The following GLE1 variants were observed in gnomAD, a reference collection of about 807,000 sequenced individuals.
GLE1 encodes mRNA export factor GLE1.
A neutral mutation model predicts 97.3 loss-of-function variants in GLE1; 78 were observed. The ratio of observed to expected loss-of-function variants is 0.80; its 90% CI spans 0.67 to 0.97. GLE1 has a LOEUF of 0.97. GLE1 is among the 50% of genes least tolerant of loss of function. The pLI is 0.00. For synonymous variants in GLE1, 302 were observed against 313.4 expected, an observed-to-expected ratio of 0.96 and a Z score of 0.39; for missense variants, 753 against 857.5, an observed-to-expected ratio of 0.88 and a Z score of 1.52.
intron 6 of GLE1, 90 bp from the exon 7 acceptor site, chr9:128,525,102 C>G: frequency 1.1e-6 from 1 of 922,500 alleles, no homozygotes; most frequent in Non-Finnish European, 1.8e-6. Flanking sequence ...ATTGGTGCAA[C>G]AATTCCAATT....
At chr9:128,513,457 G>C (rs1165065329) in intron 2 of GLE1, among the ~76,000 whole-genome samples, 1 of 152,064 alleles carries the variant, frequency 6.6e-6, no homozygotes, top group Non-Finnish European at 1.5e-5. Flanking sequence ...AAAGCTGGGT[G>C]TGGAATCCCA....
intron 2 of GLE1, among the ~76,000 whole-genome samples, chr9:128,514,080 G>C (rs995850798): frequency 2.6e-5 from 4 of 151,552 alleles, no homozygotes; most frequent in East Asian, 1.9e-4. Flanking sequence ...GCTCATGCCT[G>C]TAATTGTAGC....
chr9:128,520,199 G>C (rs982809188), intron 3 of GLE1, among the ~76,000 whole-genome samples: 1 of 151,836 alleles, frequency 6.6e-6, no homozygotes, highest in Non-Finnish European at 1.5e-5. Flanking sequence ...GCAGTGAGCC[G>C]AGATGGTGCC....
At chr9:128,507,486 A>G (rs974728214) in intron 1 of GLE1, among the ~76,000 whole-genome samples, 1 of 150,014 alleles carries the variant, frequency 6.7e-6, no homozygotes, top group Non-Finnish European at 1.5e-5. Context: ...TGAGAGGCTG[A>G]GGTGGGAGTA....
At chr9:128,514,338 CAA>C (rs1174493216) in intron 2 of GLE1, among the ~76,000 whole-genome samples, 42 of 91,504 alleles carry the variant, frequency 4.6e-4, no homozygotes, top group East Asian at 8.9e-4. Context: ...GATCTTGTTT[CAA>C]AAAAAAAAAA....
At chr9:128,516,180 A>G (rs1589048671) in intron 3 of GLE1, among the ~76,000 whole-genome samples, 1 of 151,250 alleles carries the variant, frequency 6.6e-6, no homozygotes, top group Non-Finnish European at 1.5e-5. Context: ...CTGGTCTCGA[A>G]CTCCTGACCT....
chr9:128,523,812 G>A lies in GLE1; in HGVS notation c.863G>A (p.Ser288Asn). 3 of 1,614,066 alleles carry A rather than the reference G, an allele frequency of 1.9e-6. No individual in the cohort carries two copies. The highest frequency in any genetic ancestry group is 2.5e-6 in the Non-Finnish European group (3 of 1,180,008). ...AFQTRGNQLC[S>N]LISGIIRASS... ...CAGACCCGAGGCAACCAGCTGTGCA[G>A]CCTCATCTCAGGGATCATCCGGGCC... Residue 288 changes from serine to asparagine, a missense_variant, in exon 6 of 16, where the codon AGC (serine) becomes AAC (asparagine). Physicochemically the swap from Ser to Asn is conservative, Grantham distance 46. Coordinates refer to ENST00000309971, the MANE Select transcript of GLE1 (RefSeq NM_001003722.2).
chr9:128,509,128 CATG>C, intron 2 of GLE1, 31 bp downstream of exon 2: 1 of 1,299,088 alleles, frequency 7.7e-7, no homozygotes, highest in Non-Finnish European at 1.1e-6. Context: ...AGACAAAAGA[CATG>C]GTGGCTGCAA....
At chr9:128,521,791 A>G (rs980352337) in intron 3 of GLE1, among the ~76,000 whole-genome samples, 4 of 152,194 alleles carry the variant, frequency 2.6e-5, no homozygotes, top group Admixed American at 2.0e-4. Context: ...ACATACAAGC[A>G]TTTCCTCAGG....
intron 9 of GLE1, among the ~76,000 whole-genome samples, chr9:128,531,315 G>A (rs1434353046): frequency 6.6e-6 from 1 of 151,556 alleles, no homozygotes; most frequent in Non-Finnish European, 1.5e-5. Flanking sequence ...ATCATAGGAG[G>A]TCAGGAGTTC....
intron 3 of GLE1, among the ~76,000 whole-genome samples, chr9:128,520,824 G>A (rs979102184): frequency 4.0e-5 from 6 of 151,660 alleles, no homozygotes; most frequent in Admixed American, 1.3e-4. Context: ...TGCAATCACC[G>A]CTCCTTGCAG....
chr9:128,539,408 G>T (rs1006442350), intron 13 of GLE1, among the ~76,000 whole-genome samples: 1 of 152,144 alleles, frequency 6.6e-6, no homozygotes, highest in Non-Finnish European at 1.5e-5. Context: ...AGACCTGATT[G>T]GTTAAATGGA....
chr9:128,532,250 A>AGTCTTGCTTT (rs1346887939), intron 9 of GLE1, among the ~76,000 whole-genome samples: 25 of 86,368 alleles, frequency 2.9e-4, no homozygotes, highest in Non-Finnish European at 1.4e-4. Flanking sequence ...GAGGAGATGG[A>AGTCTTGCTTT]GTCTTGCTTT....
At chr9:128,524,927 T>C (rs1847259193) in intron 6 of GLE1, among the ~76,000 whole-genome samples, 1 of 152,164 alleles carries the variant, frequency 6.6e-6, no homozygotes, top group Non-Finnish European at 1.5e-5. Context: ...ATTATTTTTG[T>C]CTAACATATT....
intron 3 of GLE1, among the ~76,000 whole-genome samples, chr9:128,515,922 G>A (rs1270300930): frequency 6.6e-6 from 1 of 150,946 alleles, no homozygotes; most frequent in African/African-American, 2.4e-5. Flanking sequence ...TGTTAGATAA[G>A]CTTATTCTGA....
rs5900802 is a variant in GLE1, at chr9:128,533,427, CAAAAAAAAAAAAAAAA to C, written c.1313-76_1313-61del. ...CCTGGGCAGTAGAGTGATACTGTCT[CAAAAAAAAAAAAAAAA>C]AAAAAAAAAGGAAAAGAAAAAGAGA... On this transcript the variant is annotated intron_variant, in intron 9 of 15. Coordinates refer to ENST00000309971, the MANE Select transcript of GLE1 (RefSeq NM_001003722.2). 214 of 453,636 alleles carry C rather than the reference CAAAAAAAAAAAAAAAA, an allele frequency of 4.7e-4. 4 individuals are homozygous for C. The East Asian group carries it at 6.1e-3, about 13-fold the overall frequency. The allele number at this position is 453,636 out of a possible 1,614,324, so 28.1% of individuals were successfully genotyped here. A position where few individuals can be genotyped will look rare whatever the true frequency, so the allele number is the denominator to read the frequency against.
chr9:128,513,238 GGATT>G (rs1284513152), intron 2 of GLE1, among the ~76,000 whole-genome samples: 2 of 151,686 alleles, frequency 1.3e-5, no homozygotes, highest in South Asian at 2.1e-4. Context: ...CCCCCACATA[GGATT>G]GATTATTTTT....
intron 3 of GLE1, among the ~76,000 whole-genome samples, chr9:128,518,005 G>T (rs1341008435): frequency 6.6e-6 from 1 of 152,094 alleles, no homozygotes; most frequent in Non-Finnish European, 1.5e-5. Flanking sequence ...AATCAGATCA[G>T]AGATTCAAGG....
Position 128,541,336 on chromosome 9 carries a change from A to C in GLE1, c.*166A>C. 2 of 628,518 alleles carry C rather than the reference A, an allele frequency of 3.2e-6. No individual in the cohort carries two copies. Among genetic ancestry groups the C allele is most frequent in the Non-Finnish European group, 5.7e-6 (2 of 350,460 alleles). 38.9% of individuals were successfully genotyped at this position (628,518 alleles called of 1,614,324 possible). On this transcript the variant is annotated 3_prime_UTR_variant, in exon 16 of 16. Transcript: ENST00000309971. ...GAGAGGAGATTTTCATGGGTCACAA[A>C]ATTCTTGGAGGTCCCTTAGTAGATT...
Sources: gnomAD v4.1 joint callset for allele counts (sites outside exome capture counted in the v4.1 genomes callset) on GRCh38, gnomAD v4.1.1 for gene constraint, MANE v1.5 for transcripts, NCBI Gene and HGNC (gene_info 2026-07-23, HGNC 2026-07-21) for gene names.